The following L3MBTL4 variants were observed in gnomAD, a reference collection of about 807,000 sequenced individuals.
L3MBTL4 encodes the protein L3MBTL histone methyl-lysine binding protein 4.
L3MBTL4 carries 70 observed loss-of-function variants against 84.5 expected under a neutral mutation model. The observed-to-expected ratio is 0.83, with a 90% CI of 0.68 to 1.01. The LOEUF (loss-of-function observed/expected upper bound fraction) is 1.01. Ranked by LOEUF, L3MBTL4 falls within the 50% of genes least tolerant of loss-of-function variation. The probability of loss-of-function intolerance (pLI) is 0.00; values close to 1 mark genes in which losing one functional copy is unlikely to be tolerated. For synonymous variants in L3MBTL4, 274 were observed against 259.8 expected (o/e 1.05, Z -0.52); for missense variants, 715 against 754.8 (o/e 0.95, Z 0.62).
intron 10 of L3MBTL4, among the ~76,000 whole-genome samples, chr18:6,234,803 G>A (rs891660412): frequency 1.3e-5 from 2 of 152,012 alleles, no homozygotes; most frequent in Admixed American, 6.6e-5. Flanking sequence ...TTGACCCAGC[G>A]ATCCCATCAC....
At chr18:6,290,774 C>T (rs747622973) in intron 4 of L3MBTL4, among the ~76,000 whole-genome samples, 1 of 151,944 alleles carries the variant, frequency 6.6e-6, no homozygotes, top group South Asian at 2.1e-4. Context: ...GTGATCCACC[C>T]GTCTCGGCCT....
chr18:6,167,792 A>G (rs1001294470), intron 13 of L3MBTL4, among the ~76,000 whole-genome samples: 20 of 151,980 alleles, frequency 1.3e-4, no homozygotes, highest in African/African-American at 4.6e-4. Flanking sequence ...CTCTCTCACC[A>G]CTCCTATTCA....
intron 1 of L3MBTL4, among the ~76,000 whole-genome samples, chr18:6,389,972 T>C (rs1282202873): frequency 1.3e-5 from 2 of 152,052 alleles, no homozygotes; most frequent in African/African-American, 4.8e-5. Flanking sequence ...TACAGAACAT[T>C]TTACCCAAGA....
At chr18:6,376,012 C>T (rs1350028608) in intron 1 of L3MBTL4, among the ~76,000 whole-genome samples, 1 of 152,170 alleles carries the variant, frequency 6.6e-6, no homozygotes, top group Non-Finnish European at 1.5e-5. Flanking sequence ...AGTAGCTTCC[C>T]AGCACATTAA....
chr18:6,390,849 CCAA>C (rs1421882829), intron 1 of L3MBTL4, among the ~76,000 whole-genome samples: 1 of 151,990 alleles, frequency 6.6e-6, no homozygotes, highest in African/African-American at 2.4e-5. Flanking sequence ...ATCACCAGCA[CCAA>C]CAACAAAACC....
intron 4 of L3MBTL4, among the ~76,000 whole-genome samples, chr18:6,279,846 T>C (rs1238095291): frequency 2.0e-5 from 3 of 152,174 alleles, no homozygotes; most frequent in Non-Finnish European, 4.4e-5. Flanking sequence ...TTCCTCTATA[T>C]ATCCTAGAGC....
chr18:6,032,283 T>TAA (rs56241623), intron 16 of L3MBTL4: 37 of 915,076 alleles, frequency 4.0e-5, no homozygotes, highest in East Asian at 2.5e-4. Context: ...GGCCTTAAAT[T>TAA]AAAAAAAAAA....
At chr18:6,412,226 G>A (rs8093171) in intron 1 of L3MBTL4, among the ~76,000 whole-genome samples, 78,914 of 151,960 alleles carry the variant, frequency 0.52, 21,233 homozygotes, top group East Asian at 0.79. Flanking sequence ...TTGTAAGTGA[G>A]AACGTGCAGT....
chr18:6,196,221 G>GCA (rs1568297198), intron 12 of L3MBTL4, among the ~76,000 whole-genome samples: 2 of 144,870 alleles, frequency 1.4e-5, no homozygotes, highest in Non-Finnish European at 3.0e-5. Flanking sequence ...GCAGTGGCAT[G>GCA]ATCTCAGCTC....
chr18:6,401,043 C>A (rs561487536), intron 1 of L3MBTL4, among the ~76,000 whole-genome samples: 3 of 152,280 alleles, frequency 2.0e-5, no homozygotes, highest in African/African-American at 7.2e-5. Flanking sequence ...ACACTTCCAT[C>A]TCCCATCATT....
chr18:6,063,299 C>CTG (rs61413638), intron 16 of L3MBTL4, among the ~76,000 whole-genome samples: 12,039 of 141,136 alleles, frequency 0.085, 474 homozygotes, highest in African/African-American at 0.094. Flanking sequence ...CTATAAATAT[C>CTG]TGTGTGTGTG....
intron 13 of L3MBTL4, among the ~76,000 whole-genome samples, chr18:6,147,250 G>A (rs1203752208): frequency 6.6e-6 from 1 of 151,940 alleles, no homozygotes; most frequent in Non-Finnish European, 1.5e-5. Flanking sequence ...TTGAACATTG[G>A]AGAATGCAAA....
intron 17 of L3MBTL4, among the ~76,000 whole-genome samples, chr18:5,969,143 G>A (rs1233032646): frequency 1.3e-5 from 2 of 152,130 alleles, no homozygotes; most frequent in Non-Finnish European, 2.9e-5. Context: ...CTGGGCCTCG[G>A]GGGGCACTGG....
intron 13 of L3MBTL4, among the ~76,000 whole-genome samples, chr18:6,169,503 A>G (rs959296108): frequency 7.2e-5 from 11 of 152,202 alleles, no homozygotes; most frequent in African/African-American, 9.7e-5. Flanking sequence ...GCAGCCATAT[A>G]AAACGATGAG....
chr18:6,307,851 C>A (rs2050661231), intron 3 of L3MBTL4, among the ~76,000 whole-genome samples: 1 of 152,142 alleles, frequency 6.6e-6, no homozygotes, highest in Admixed American at 6.5e-5. Flanking sequence ...TTTATATACA[C>A]AGAGATCATA....
At chr18:6,223,803 A>G (rs1029527038) in intron 10 of L3MBTL4, among the ~76,000 whole-genome samples, 1 of 152,212 alleles carries the variant, frequency 6.6e-6, no homozygotes, top group Admixed American at 6.5e-5. Flanking sequence ...TCCGGCTGAA[A>G]TGGAAAGATT....
At chr18:6,095,467 C>T (rs184296178) in intron 14 of L3MBTL4, among the ~76,000 whole-genome samples, 1 of 151,836 alleles carries the variant, frequency 6.6e-6, no homozygotes, top group African/African-American at 2.4e-5. Flanking sequence ...TCTCCTGCCT[C>T]AGCCTCCCAA....
intron 17 of L3MBTL4, among the ~76,000 whole-genome samples, chr18:5,968,391 G>A (rs1034910847): frequency 1.3e-5 from 2 of 152,172 alleles, no homozygotes; most frequent in Admixed American, 6.5e-5. Flanking sequence ...GGGCTTAACT[G>A]TTCCTTATTA....
chr18:6,230,102 G>A (rs1261808688), intron 10 of L3MBTL4, among the ~76,000 whole-genome samples: 3 of 151,964 alleles, frequency 2.0e-5, no homozygotes, highest in Non-Finnish European at 4.4e-5. Flanking sequence ...TTAGGTTCAG[G>A]CATACATGTG....
Sources: gnomAD v4.1 joint callset for allele counts (sites outside exome capture counted in the v4.1 genomes callset) on GRCh38, gnomAD v4.1.1 for gene constraint, MANE v1.5 for transcripts, NCBI Gene and HGNC (gene_info 2026-07-23, HGNC 2026-07-21) for gene names.